Variants in PLK4 observed in about 807,000 individuals in gnomAD.
The protein encoded by PLK4 is polo like kinase 4.
PLK4 carries 51 observed loss-of-function variants against 103.0 expected under a neutral mutation model. That is an observed-to-expected ratio of 0.50 (90% CI 0.40 to 0.63). PLK4 has a LOEUF of 0.63. Ranked by LOEUF, PLK4 falls within the 20% of genes least tolerant of loss-of-function variation. The pLI, the probability that PLK4 is intolerant of heterozygous loss-of-function variation, is 0.00. For synonymous variants in PLK4, 389 were observed against 376.8 expected (o/e 1.03, Z -0.38); for missense variants, 1,054 against 1,151.0 (o/e 0.92, Z 1.22).
intron 10 of PLK4, 78 bp from the exon 11 acceptor site, chr4:127,893,207 C>A: frequency 1.2e-6 from 1 of 860,032 alleles, no homozygotes; most frequent in Non-Finnish European, 1.8e-6. Flanking sequence ...CCATTATATA[C>A]TGGTATGATA....
chr4:127,883,376 A>G lies in PLK4; in HGVS notation c.222+19A>G. 6.8e-7 allele frequency: 1 copy of G among 1,477,450 alleles called. No individual in the cohort carries two copies. The highest frequency in any genetic ancestry group is 2.3e-5 in the East Asian group (1 of 44,108). 91.5% of individuals were successfully genotyped at this position (1,477,450 alleles called of 1,614,324 possible). On this transcript the variant is annotated intron_variant, in intron 3 of 15. Transcript: ENST00000270861. ...CTTGGAGGTAAGATATAAATTTTGT[A>G]GAAGTGACCAAGGACACTGAATTTT... is the stretch of plus-strand genomic sequence containing the variant.
At position 127,892,412 on chromosome 4, in the gene PLK4, G is replaced by T. The variant is rs377056419; in HGVS notation, c.2086G>T (p.Val696Leu). 2 of 1,584,744 alleles carry T rather than the reference G, an allele frequency of 1.3e-6. No homozygotes were observed. Among genetic ancestry groups the T allele is most frequent in the East Asian group, 4.6e-5 (2 of 43,564 alleles). Residue 696 changes from valine to leucine, a missense_variant, in exon 10 of 16, where the codon GTA (valine) becomes TTA (leucine). Physicochemically the swap from Val to Leu is conservative, Grantham distance 32. Transcript: ENST00000270861. ...ATATGCTTCCAGGTTTGTACAGCTTGTAAGATCTAAATCTCCCAAAATCAC... is the reference window on the plus strand; with the variant it reads ...ATATGCTTCCAGGTTTGTACAGCTTTTAAGATCTAAATCTCCCAAAATCAC... ...YQYASRFVQLVRSKSPKITYF... is the reference protein window; with the variant it reads ...YQYASRFVQLLRSKSPKITYF...
Position 127,886,628 on chromosome 4 carries a change from TACTC to T in PLK4, c.1261_1264del (p.Ser421ProfsTer64), listed in dbSNP as rs1306520020. ...AGGAGGAGGTGAAAATGAAGAGAGG[TACTC>T]ACCCACAGACAACAATGCCAACATT... On this transcript the variant is annotated frameshift_variant, in exon 5 of 16. Transcript: ENST00000270861. LOFTEE classifies it high-confidence loss of function. The T allele has an allele frequency of 1.2e-6, 2 of 1,608,522 alleles. No homozygotes were observed. The highest frequency in any genetic ancestry group is 1.7e-6 in the Non-Finnish European group (2 of 1,174,922).
chr4:127,882,155 C>A (rs1475526440), intron 2 of PLK4, among the ~76,000 whole-genome samples: 2 of 152,124 alleles, frequency 1.3e-5, no homozygotes, highest in Non-Finnish European at 2.9e-5. Context: ...TTCAGTAGAC[C>A]TCGTATGTGG....
Position 127,885,986 on chromosome 4 carries a change from A to T in PLK4, c.616A>T (p.Ile206Phe), listed in dbSNP as rs749792464. ...SLGCMFYTLL[I>F]GRPPFDTDTV... ...GGGCTGTATGTTTTATACATTACTT[A>T]TCGGGAGACCACCCTTCGACACTGA... is the stretch of plus-strand genomic sequence containing the variant. The change falls in exon 5 of 16, where the codon ATC (isoleucine) becomes TTC (phenylalanine). Residue 206 changes from isoleucine to phenylalanine, a missense_variant. By Grantham distance (21) the Ile-to-Phe change is conservative. This residue lies in a region of PLK4 where 199 missense variants were observed against 270.1 expected (regional missense o/e 0.74). Transcript: ENST00000270861. 2 of 1,614,076 alleles carry T rather than the reference A, an allele frequency of 1.2e-6. No homozygotes were observed. The highest frequency in any genetic ancestry group is 3.3e-5 in the Admixed American group (2 of 60,008).
chr4:127,893,683 T>G, intron 12 of PLK4, 51 bp from the exon 13 acceptor site: 1 of 1,587,712 alleles, frequency 6.3e-7, no homozygotes, highest in Non-Finnish European at 8.6e-7. Flanking sequence ...TTCTTTAGTT[T>G]TCTGTAAATT....
In PLK4 at chr4:127,898,562, A is replaced by G. The variant is rs1193136014; in HGVS notation, c.*21A>G. On this transcript the variant is annotated 3_prime_UTR_variant, in exon 16 of 16. Transcript: ENST00000270861. ...ATTGATTAAAACTCCTTTCAGACAT[A>G]TAAGTTTAATAAATAACTTTTTTGT... 1 of 1,062,202 alleles carries G rather than the reference A, an allele frequency of 9.4e-7. No individual in the cohort carries two copies. The highest frequency in any genetic ancestry group is 1.4e-6 in the Non-Finnish European group (1 of 705,390). 65.8% of individuals were successfully genotyped at this position (1,062,202 alleles called of 1,614,324 possible).
intron 5 of PLK4, among the ~76,000 whole-genome samples, chr4:127,887,012 C>G (rs959976984): frequency 1.3e-5 from 2 of 151,944 alleles, no homozygotes; most frequent in African/African-American, 4.8e-5. Flanking sequence ...TGCCTTACCC[C>G]CTAAAGTACT....
intron 1 of PLK4, among the ~76,000 whole-genome samples, 155 bp from the exon 2 acceptor site, chr4:127,881,676 C>G (rs993400101): frequency 1.3e-5 from 2 of 152,204 alleles, no homozygotes; most frequent in African/African-American, 4.8e-5. Context: ...GTCAACATGC[C>G]TTCCACCCTA....
chr4:127,882,341 C>A lies in PLK4; in HGVS notation c.126+415C>A, dbSNP rs544232561. Among the ~76,000 whole-genome samples, 3 of 152,280 alleles carry A rather than the reference C, an allele frequency of 2.0e-5. 1 individual carries two copies. In the South Asian group the frequency reaches 6.2e-4, roughly 32 times the overall value. On this transcript the variant is annotated intron_variant, in intron 2 of 15. Coordinates refer to ENST00000270861, the MANE Select transcript of PLK4 (RefSeq NM_014264.5). ...AAGCAAATTAAGAATTATTTGTCAG[C>A]CGGGTGGGTGGCTCACACCTGTAAT...
Position 127,896,748 on chromosome 4 carries a change from C to CT in PLK4, c.2704-52dup, listed in dbSNP as rs1256942756. 2.4e-5 allele frequency: 22 copies of CT among 912,640 alleles called. No homozygotes were observed. In the African/African-American group the frequency reaches 2.6e-4, roughly 11 times the overall value. The allele number at this position is 912,640 out of a possible 1,614,324, so 56.5% of individuals were successfully genotyped here. A position where few individuals can be genotyped will look rare whatever the true frequency, so the allele number is the denominator to read the frequency against. The stretch of plus-strand genomic sequence containing the variant: ...ATAGTAATTTTGTGTGCTACTACTG[C>CT]TGTTTTTTTTTTTTTCTGTGCCTGT... On this transcript the variant is annotated intron_variant, in intron 14 of 15. Coordinates refer to ENST00000270861, the MANE Select transcript of PLK4 (RefSeq NM_014264.5).
chr4:127,880,936 A>T lies in PLK4; in HGVS notation c.-199A>T, dbSNP rs974836206. On this transcript the variant is annotated 5_prime_UTR_variant, in exon 1 of 16. Transcript: ENST00000270861. ...ACGGCAAGCGGCGGGAGATTTTCAA[A>T]ATGGGAGCCCAGAGGCACCGCCCAG... is the stretch of plus-strand genomic sequence containing the variant. 1.2e-5 allele frequency: 7 copies of T among 601,490 alleles called. No individual in the cohort carries two copies. In the East Asian group the frequency reaches 2.0e-4, roughly 17 times the overall value. 37.3% of individuals were successfully genotyped at this position (601,490 alleles called of 1,614,324 possible). A position where few individuals can be genotyped will look rare whatever the true frequency, so the allele number is the denominator to read the frequency against.
chr4:127,890,582 T>G (rs1015988728), intron 7 of PLK4, among the ~76,000 whole-genome samples: 2 of 152,184 alleles, frequency 1.3e-5, no homozygotes, highest in African/African-American at 4.8e-5. Flanking sequence ...TGCTTCTATT[T>G]TTATTGTTTG....
At chr4:127,894,026 G>T in intron 13 of PLK4, 145 bp downstream of exon 13, 1 of 575,970 alleles carries the variant, frequency 1.7e-6, no homozygotes. Context: ...TACTATTTAT[G>T]TTTGAGCGTC....
intron 6 of PLK4, among the ~76,000 whole-genome samples, chr4:127,888,055 C>T (rs900492542): frequency 3.0e-4 from 45 of 150,012 alleles, no homozygotes; most frequent in African/African-American, 1.1e-3. Flanking sequence ...TGGCACACAC[C>T]TGTAATCCCA....
intron 4 of PLK4, among the ~76,000 whole-genome samples, chr4:127,883,953 C>G (rs1383064352): frequency 6.6e-6 from 1 of 152,094 alleles, no homozygotes; most frequent in African/African-American, 2.4e-5. Context: ...TATAATGAGT[C>G]CCCTGAACTT....
intron 10 of PLK4, 64 bp downstream of exon 10, chr4:127,892,578 T>C (rs1334278574): frequency 7.5e-7 from 1 of 1,334,682 alleles, no homozygotes; most frequent in African/African-American, 1.5e-5. Context: ...TACGTATATG[T>C]GGGTTTTTAA....
intron 4 of PLK4, 114 bp downstream of exon 4, chr4:127,883,667 T>C (rs538523711): frequency 2.0e-6 from 1 of 500,764 alleles, no homozygotes; most frequent in Non-Finnish European, 3.6e-6. Context: ...CTGTTTGAAT[T>C]ATTACTTTAA....
intron 4 of PLK4, among the ~76,000 whole-genome samples, chr4:127,884,792 T>C (rs745369790): frequency 1.3e-5 from 2 of 151,704 alleles, no homozygotes; most frequent in South Asian, 2.1e-4. Flanking sequence ...CAAAAAAAAT[T>C]AGCTCGGTGT....
Sources: gnomAD v4.1 joint callset for allele counts (sites outside exome capture counted in the v4.1 genomes callset) on GRCh38, gnomAD v4.1.1 for gene constraint, gnomAD v4.1.1 regional missense constraint, MANE v1.5 for transcripts, NCBI Gene and HGNC (gene_info 2026-07-23, HGNC 2026-07-21) for gene names.